ZEB1: variants seen among roughly 807,000 people sequenced by gnomAD.
ZEB1 encodes zinc finger E-box binding homeobox 1, also known as zinc finger E-box-binding homeobox 1.
In ZEB1, 21 loss-of-function variants were observed where a neutral mutation model predicts 84.9. The ratio of observed to expected loss-of-function variants is 0.25; its 90% CI spans 0.18 to 0.36. The LOEUF (loss-of-function observed/expected upper bound fraction) is 0.36. Ranked by LOEUF, ZEB1 falls within the 10% of genes least tolerant of loss-of-function variation. ZEB1 has a pLI of 1.00. For missense variants in ZEB1, 1,104 were observed against 1,330.2 expected, an observed-to-expected ratio of 0.83 and a Z score of 2.65; for synonymous variants, 420 against 471.1, an observed-to-expected ratio of 0.89 and a Z score of 1.41.
intron 2 of ZEB1, among the ~76,000 whole-genome samples, chr10:31,472,270 A>G (rs1191736117): frequency 1.3e-5 from 2 of 152,068 alleles, no homozygotes; most frequent in African/African-American, 2.4e-5. Context: ...AATTAATCCC[A>G]GAGCTGGTTT....
intron 1 of ZEB1, among the ~76,000 whole-genome samples, chr10:31,460,480 AG>A (rs1313529594): frequency 6.6e-6 from 1 of 152,138 alleles, no homozygotes; most frequent in Non-Finnish European, 1.5e-5. Context: ...CTATTTTGTT[AG>A]GAAAGATGGC....
rs144996185 is a variant in ZEB1, at chr10:31,525,864, T to C, written c.2786-808T>C. On this transcript the variant is annotated intron_variant, in intron 8 of 8. Transcript: ENST00000424869. The stretch of plus-strand genomic sequence containing the variant: ...GAAGAGTTAGAAAATCCCCTTCCTC[T>C]TCAGGCAAAGTTAAATATTAGCAAA... 8.5e-5 allele frequency among the ~76,000 whole-genome samples: 13 copies of C among 152,306 alleles called. No homozygotes were observed. In the East Asian group the frequency reaches 2.5e-3, roughly 29 times the overall value.
chr10:31,367,317 G>A (rs2044712565), intron 1 of ZEB1, among the ~76,000 whole-genome samples: 1 of 152,180 alleles, frequency 6.6e-6, no homozygotes, highest in African/African-American at 2.4e-5. Context: ...CCCAACTTTG[G>A]TGTGATACTG....
intron 2 of ZEB1, among the ~76,000 whole-genome samples, chr10:31,484,046 C>T (rs1264247052): frequency 6.6e-6 from 1 of 152,006 alleles, no homozygotes; most frequent in Non-Finnish European, 1.5e-5. Context: ...CATTCCTTGG[C>T]TTGTGACTTC....
At chr10:31,406,246 G>T (rs545642345) in intron 1 of ZEB1, among the ~76,000 whole-genome samples, 1 of 152,052 alleles carries the variant, frequency 6.6e-6, no homozygotes, top group Admixed American at 6.5e-5. Context: ...ATTTCTAGTT[G>T]TAGATCCTTG....
intron 1 of ZEB1, among the ~76,000 whole-genome samples, chr10:31,359,201 T>G (rs951099076): frequency 6.6e-6 from 1 of 152,060 alleles, no homozygotes; most frequent in East Asian, 1.9e-4. Flanking sequence ...GCTGTAACAG[T>G]TTTTAAAGAT....
At chr10:31,363,057 C>A (rs1030791308) in intron 1 of ZEB1, 4 of 1,533,720 alleles carry the variant, frequency 2.6e-6, no homozygotes, top group Admixed American at 2.0e-5. Flanking sequence ...GCAGCTGCAG[C>A]GGTGGCCCCG....
intron 1 of ZEB1, among the ~76,000 whole-genome samples, chr10:31,450,175 G>T (rs772685553): frequency 2.6e-5 from 4 of 152,190 alleles, no homozygotes; most frequent in Non-Finnish European, 2.9e-5. Flanking sequence ...ACATATTTAT[G>T]ACACAAAATC....
intron 1 of ZEB1, among the ~76,000 whole-genome samples, chr10:31,439,768 T>C (rs771815186): frequency 6.6e-6 from 1 of 152,032 alleles, no homozygotes; most frequent in East Asian, 1.9e-4. Flanking sequence ...TAGAGTGATA[T>C]GAAGCAAGAG....
chr10:31,451,234 A>G (rs2060529711), intron 1 of ZEB1, among the ~76,000 whole-genome samples: 1 of 152,298 alleles, frequency 6.6e-6, no homozygotes, highest in Admixed American at 6.5e-5. Flanking sequence ...TTAGGTTTGG[A>G]CAAAATATTT....
intron 1 of ZEB1, among the ~76,000 whole-genome samples, chr10:31,352,487 A>T (rs912393058): frequency 5.9e-5 from 9 of 152,240 alleles, no homozygotes; most frequent in African/African-American, 2.2e-4. Flanking sequence ...TTAATGGCTT[A>T]AAACAACAGT....
At chr10:31,441,659 T>C (rs1252992982) in intron 1 of ZEB1, among the ~76,000 whole-genome samples, 3 of 152,040 alleles carry the variant, frequency 2.0e-5, no homozygotes, top group African/African-American at 7.2e-5. Context: ...ATCTACACAT[T>C]TGACAAAGGG....
Position 31,502,417 on chromosome 10 carries a change from TACA to T in ZEB1, c.400_402del (p.Gln134del), listed in dbSNP as rs1484347033. On this transcript the variant is annotated inframe_deletion, in exon 4 of 9. Transcript: ENST00000424869. ...CATGATCCTAATGTTGAAGAGTTTC[TACA>T]ACAACAAGACACTGCTGTCATTTTT... 1.2e-5 allele frequency: 19 copies of T among 1,613,798 alleles called. No homozygotes were observed. Among genetic ancestry groups the T allele is most frequent in the Non-Finnish European group, 1.5e-5 (18 of 1,179,862 alleles).
chr10:31,521,258 T>C lies in ZEB1; in HGVS notation c.1926T>C (p.Ser642=), dbSNP rs890428593. 1.6e-5 allele frequency: 26 copies of C among 1,613,978 alleles called. No homozygotes were observed. The highest frequency in any genetic ancestry group is 2.2e-5 in the Non-Finnish European group (26 of 1,180,024). Residue 642 remains serine, a synonymous_variant, in exon 7 of 9, where the codon TCT becomes TCC. Transcript: ENST00000424869. ...AAGCTGGACAGATTTCAGTGCAGTC[T>C]TCTGAACCATCTTCTCCTGAACCAG... is the stretch of plus-strand genomic sequence containing the variant. ...KMQAGQISVQ[S]SEPSSPEPGK... is the part of the protein sequence containing the mutation.
At chr10:31,382,377 T>C (rs1040133763) in intron 1 of ZEB1, among the ~76,000 whole-genome samples, 5 of 152,200 alleles carry the variant, frequency 3.3e-5, no homozygotes, top group African/African-American at 1.2e-4. Flanking sequence ...AGAGGAATAC[T>C]GAACAAATAA....
intron 4 of ZEB1, among the ~76,000 whole-genome samples, chr10:31,504,616 T>G (rs1041258089): frequency 6.6e-6 from 1 of 152,044 alleles, no homozygotes; most frequent in Non-Finnish European, 1.5e-5. Context: ...TACTTGTGTC[T>G]TCTTCAATTT....
intron 2 of ZEB1, among the ~76,000 whole-genome samples, chr10:31,488,932 GT>G (rs1225100124): frequency 6.6e-6 from 1 of 151,188 alleles, no homozygotes; most frequent in Non-Finnish European, 1.5e-5. Context: ...TGAAAAGAAT[GT>G]GAATTTCGTC....
intron 1 of ZEB1, 35 bp downstream of exon 1, chr10:31,319,327 C>G: frequency 6.3e-7 from 1 of 1,592,946 alleles, no homozygotes; most frequent in East Asian, 2.3e-5. Flanking sequence ...GCGGCGGAGT[C>G]AGGGGGAGCT....
chr10:31,396,351 T>G (rs2050722944), intron 1 of ZEB1, among the ~76,000 whole-genome samples: 1 of 152,162 alleles, frequency 6.6e-6, no homozygotes, highest in South Asian at 2.1e-4. Flanking sequence ...CACAAATTAT[T>G]ATATGACTCG....
Sources: allele counts gnomAD v4.1 joint callset (sites outside exome capture counted in the v4.1 genomes callset), GRCh38; gene constraint gnomAD v4.1.1; transcripts MANE v1.5; gene names NCBI Gene and HGNC (gene_info 2026-07-23, HGNC 2026-07-21).